PARP1: variants seen among roughly 807,000 people sequenced by gnomAD.
The protein encoded by PARP1 is poly(ADP-ribose) polymerase 1, also known as poly [ADP-ribose] polymerase 1.
Under a neutral mutation model 118.7 loss-of-function variants are expected in PARP1, and 44 were observed. That is an observed-to-expected ratio of 0.37 (90% CI 0.29 to 0.48). PARP1 has a LOEUF of 0.48. Ranked by LOEUF, PARP1 falls within the 20% of genes least tolerant of loss-of-function variation. PARP1 has a pLI of 0.99. For synonymous variants in PARP1, 492 were observed against 483.2 expected (o/e 1.02, Z -0.24); for missense variants, 1,100 against 1,272.4 (o/e 0.86, Z 2.06).
chr1:226,384,599 T>C (rs530151345), intron 7 of PARP1, among the ~76,000 whole-genome samples: 58 of 152,272 alleles, frequency 3.8e-4, no homozygotes, highest in African/African-American at 1.4e-3. Flanking sequence ...TCTGTAAGAT[T>C]TGCATACCCA....
chr1:226,383,697 A>G (rs1258303399), intron 7 of PARP1, among the ~76,000 whole-genome samples: 2 of 152,224 alleles, frequency 1.3e-5, no homozygotes, highest in African/African-American at 4.8e-5. Context: ...AGGGAGCCCT[A>G]TGGTATTCAC....
intron 13 of PARP1, 74 bp from the exon 14 acceptor site, chr1:226,374,428 G>T: frequency 2.6e-6 from 4 of 1,567,630 alleles, no homozygotes; most frequent in South Asian, 2.2e-5. Flanking sequence ...TGTGGGGCTG[G>T]ACTGCAGACA....
intron 11 of PARP1, 60 bp from the exon 12 acceptor site, chr1:226,379,334 G>A (rs781129355): frequency 4.4e-6 from 7 of 1,606,300 alleles, no homozygotes; most frequent in Admixed American, 3.3e-5. Flanking sequence ...GCACTCTCAC[G>A]GAGAAGGGAT....
At chr1:226,367,234 A>G (rs1664288512) in intron 17 of PARP1, 2 of 546,038 alleles carry the variant, frequency 3.7e-6, no homozygotes, top group South Asian at 2.1e-5. Context: ...TTGTACGCCA[A>G]GCTGAGGTGC....
chr1:226,398,801 G>A (rs1664973974), intron 2 of PARP1, among the ~76,000 whole-genome samples: 1 of 152,170 alleles, frequency 6.6e-6, no homozygotes, highest in African/African-American at 2.4e-5. Context: ...AAGACAGCTT[G>A]GCAGTTTCTT....
chr1:226,387,472 T>C (rs1417377504), intron 5 of PARP1, among the ~76,000 whole-genome samples: 3 of 152,150 alleles, frequency 2.0e-5, no homozygotes, highest in Admixed American at 1.3e-4. Flanking sequence ...AGGGTTGCTA[T>C]TAGTATCAAA....
chr1:226,394,022 AG>A (rs1237531802), intron 2 of PARP1, among the ~76,000 whole-genome samples: 8 of 152,228 alleles, frequency 5.3e-5, no homozygotes, highest in African/African-American at 1.9e-4. Flanking sequence ...GTTATGACAA[AG>A]AATCAGTATC....
chr1:226,396,271 G>T (rs4653731), intron 2 of PARP1, among the ~76,000 whole-genome samples: 2 of 151,776 alleles, frequency 1.3e-5, no homozygotes, highest in Non-Finnish European at 2.9e-5. Context: ...GCCTGAACCC[G>T]GGAGACAGAG....
chr1:226,404,220 G>A (rs569412414), intron 1 of PARP1, among the ~76,000 whole-genome samples: 3 of 152,138 alleles, frequency 2.0e-5, no homozygotes, highest in South Asian at 4.1e-4. Flanking sequence ...CAAGTCAGAT[G>A]GAACAAAAAA....
At chr1:226,383,643 T>C (rs1376710413) in intron 7 of PARP1, among the ~76,000 whole-genome samples, 2 of 152,174 alleles carry the variant, frequency 1.3e-5, no homozygotes, top group Non-Finnish European at 2.9e-5. Flanking sequence ...CAAAAGGAAA[T>C]CACAGTATTT....
At chr1:226,404,480 G>T (rs767649033) in intron 1 of PARP1, among the ~76,000 whole-genome samples, 1 of 152,186 alleles carries the variant, frequency 6.6e-6, no homozygotes, top group Non-Finnish European at 1.5e-5. Flanking sequence ...AATGGCTATG[G>T]CACTTCTTCC....
At chr1:226,396,477 G>C (rs970508113) in intron 2 of PARP1, among the ~76,000 whole-genome samples, 1 of 150,584 alleles carries the variant, frequency 6.6e-6, no homozygotes, top group Non-Finnish European at 1.5e-5. Flanking sequence ...CTGCAGGAAA[G>C]AAAGAAAATC....
intron 15 of PARP1, 118 bp downstream of exon 15, chr1:226,370,316 A>G (rs1209733007): frequency 3.8e-6 from 3 of 799,828 alleles, no homozygotes; most frequent in Non-Finnish European, 6.8e-6. Flanking sequence ...CGTGAAGTGC[A>G]GTTCAGTACT....
In PARP1 at chr1:226,390,393, C is replaced by T. The variant is rs767144502; in HGVS notation, c.617+17G>A. On this transcript the variant is annotated intron_variant, in intron 4 of 22. Transcript: ENST00000366794. ...CCTCACTGAACCCCCAGGGCAACCC[C>T]GCAGTGCTCCACCCACCCTTCACTC... is the stretch of plus-strand genomic sequence containing the variant. The T allele has an allele frequency of 1.1e-5, 17 of 1,611,156 alleles. No individual in the cohort carries two copies. The highest frequency in any genetic ancestry group is 3.3e-5 in the Admixed American group (2 of 59,990).
intron 5 of PARP1, among the ~76,000 whole-genome samples, chr1:226,388,157 T>C (rs888083043): frequency 1.3e-5 from 2 of 152,276 alleles, no homozygotes; most frequent in Non-Finnish European, 2.9e-5. Flanking sequence ...ACTGATTTAA[T>C]GGATAGTTTT....
At chr1:226,382,623 C>A (rs1325384849) in intron 8 of PARP1, among the ~76,000 whole-genome samples, 1 of 152,170 alleles carries the variant, frequency 6.6e-6, no homozygotes, top group Non-Finnish European at 1.5e-5. Flanking sequence ...ACCTCCCAGG[C>A]TCAAGGGATC....
rs1393891730 is a variant in PARP1, at chr1:226,361,541, C to T, written c.2964G>A (p.Glu988=). ...CCTGAGCAATATCATAGACAATGTA[C>T]CTGAGGGGAAGCTTGTTAAGGAGCC... ...GVNDTSLLYN[E]YIVYDIAQVN... Residue 988 remains glutamate (E), a splice_region_variant and synonymous_variant, in exon 23 of 23, where the codon GAG becomes GAA. Transcript: ENST00000366794. 4 of 1,606,292 alleles carry T rather than the reference C, an allele frequency of 2.5e-6. No individual in the cohort carries two copies. The highest frequency in any genetic ancestry group is 1.3e-5 in the African/African-American group (1 of 74,764).
In PARP1 at chr1:226,362,003, A is replaced by C; in HGVS notation, c.2929T>G (p.Ser977Ala). The C allele has an allele frequency of 6.2e-7, 1 of 1,610,892 alleles. No homozygotes were observed. Among genetic ancestry groups the C allele is most frequent in the Non-Finnish European group, 8.5e-7 (1 of 1,177,032 alleles). ...VDVPLGTGIS[S>A]GVNDTSLLYN... ...AGTAGAGAGGTGTCATTCACACCAG[A>C]TGAAATCCCGGTCCCAAGAGGAACG... is the stretch of plus-strand genomic sequence containing the variant. Residue 977 changes from serine to alanine, a missense_variant, in exon 22 of 23, where the codon TCT becomes GCT. By Grantham distance (99) the Ser-to-Ala change is moderately conservative. Around this residue, in one of 2 missense-constraint regions of PARP1, gnomAD observed 152 missense variants for 240.6 expected, o/e 0.63. Transcript: ENST00000366794.
chr1:226,379,747 C>T (rs1239239066), intron 10 of PARP1, 106 bp from the exon 11 acceptor site: 10 of 1,318,760 alleles, frequency 7.6e-6, no homozygotes, highest in East Asian at 4.6e-5. Context: ...TCTGTCAACT[C>T]GGCATCTATA....
Sources: allele counts gnomAD v4.1 joint callset (sites outside exome capture counted in the v4.1 genomes callset), GRCh38; gene constraint gnomAD v4.1.1; regional missense constraint gnomAD v4.1.1; transcripts MANE v1.5; gene names NCBI Gene and HGNC (gene_info 2026-07-23, HGNC 2026-07-21).